The following AFF3 variants were observed in gnomAD, a reference collection of about 807,000 sequenced individuals.
The protein encoded by AFF3 is ALF transcription elongation factor 3.
AFF3 carries 32 observed loss-of-function variants against 129.7 expected under a neutral mutation model. That is an observed-to-expected ratio of 0.25 (90% CI 0.19 to 0.33). The LOEUF (loss-of-function observed/expected upper bound fraction) is 0.33. Ranked by LOEUF, AFF3 falls within the 10% of genes least tolerant of loss-of-function variation. AFF3 has a pLI of 1.00. For missense variants in AFF3, 1,373 were observed against 1,592.0 expected (o/e 0.86, Z 2.34); for synonymous variants, 644 against 635.4 (o/e 1.01, Z -0.20).
At chr2:99,651,505 G>A (rs1283525457) in intron 12 of AFF3, among the ~76,000 whole-genome samples, 1 of 151,756 alleles carries the variant, frequency 6.6e-6, no homozygotes, top group East Asian at 2.0e-4. Flanking sequence ...GTAGTGGCCT[G>A]ATTTCAGCTC....
rs114852319 is a variant in AFF3, at chr2:99,752,176, C to T, written c.1002+45G>A. On this transcript the variant is annotated intron_variant, in intron 9 of 24. Coordinates refer to ENST00000672756, the MANE Select transcript of AFF3 (RefSeq NM_001386135.1). ...AAAGCCCACTGCCCACTAGAAATGCCTGCATGAGTGAAACATATTCCTCCT... is the reference window on the plus strand; with the variant it reads ...AAAGCCCACTGCCCACTAGAAATGCTTGCATGAGTGAAACATATTCCTCCT... 2.4e-3 allele frequency: 3,732 copies of T among 1,523,670 alleles called. 71 individuals carry two copies. The African/African-American group carries it at 0.045, about 19-fold the overall frequency. 94.4% of individuals were successfully genotyped at this position (1,523,670 alleles called of 1,614,324 possible).
intron 4 of AFF3, among the ~76,000 whole-genome samples, chr2:100,084,906 A>G (rs1432615599): frequency 1.4e-4 from 21 of 146,964 alleles, no homozygotes; most frequent in Non-Finnish European, 3.2e-4. Context: ...TTATTTTCAA[A>G]AAGAATAGCT....
chr2:99,931,726 T>G (rs905065606), intron 7 of AFF3, among the ~76,000 whole-genome samples: 2 of 152,172 alleles, frequency 1.3e-5, no homozygotes, highest in Non-Finnish European at 2.9e-5. Context: ...CTGGCCAACA[T>G]GATAGAACCC....
intron 8 of AFF3, among the ~76,000 whole-genome samples, chr2:99,761,715 T>C (rs1682613039): frequency 1.3e-5 from 2 of 152,232 alleles, no homozygotes; most frequent in Admixed American, 1.3e-4. Flanking sequence ...AGCCATGTTT[T>C]CATTTCCCTA....
chr2:99,647,496 G>T (rs1273786107), intron 13 of AFF3, among the ~76,000 whole-genome samples: 1 of 152,160 alleles, frequency 6.6e-6, no homozygotes, highest in Non-Finnish European at 1.5e-5. Context: ...AGGTGTCAGG[G>T]GAGGGATAAC....
chr2:99,663,560 G>A (rs4851221), intron 12 of AFF3, among the ~76,000 whole-genome samples: 129,941 of 152,306 alleles, frequency 0.85, 55,563 homozygotes, highest in East Asian at 0.92. Context: ...TTAAAAGGCA[G>A]CTTTTCATTG....
intron 7 of AFF3, among the ~76,000 whole-genome samples, chr2:99,891,121 G>A (rs1693518347): frequency 6.6e-6 from 1 of 152,156 alleles, no homozygotes; most frequent in African/African-American, 2.4e-5. Flanking sequence ...TGTTTTCCAT[G>A]GGAGGGAACG....
intron 4 of AFF3, among the ~76,000 whole-genome samples, chr2:100,031,080 G>T (rs1241925725): frequency 2.6e-5 from 4 of 152,122 alleles, no homozygotes; most frequent in African/African-American, 9.7e-5. Context: ...ACAGTATGAG[G>T]AAATAAAATC....
chr2:99,579,131 C>T (rs1458080538), intron 17 of AFF3, among the ~76,000 whole-genome samples: 2 of 152,222 alleles, frequency 1.3e-5, no homozygotes, highest in African/African-American at 4.8e-5. Flanking sequence ...ATCGACTGGG[C>T]ACGGTGTCTC....
chr2:99,844,772 A>G (rs533591930), intron 7 of AFF3, among the ~76,000 whole-genome samples: 3 of 152,104 alleles, frequency 2.0e-5, no homozygotes, highest in Non-Finnish European at 4.4e-5. Flanking sequence ...AAAACATTTT[A>G]CACTGCACTG....
At chr2:99,558,082 C>A (rs67919188) in intron 22 of AFF3, among the ~76,000 whole-genome samples, 21,070 of 152,104 alleles carry the variant, frequency 0.14, 1,675 homozygotes, top group South Asian at 0.24. Context: ...CAATTTTATC[C>A]CTATAGCTAC....
chr2:99,677,965 C>T (rs1674155298), intron 11 of AFF3, among the ~76,000 whole-genome samples: 1 of 152,158 alleles, frequency 6.6e-6, no homozygotes, highest in Non-Finnish European at 1.5e-5. Flanking sequence ...ACTACAGACG[C>T]CGGCTACCAC....
chr2:100,012,884 C>T (rs1682676705), intron 4 of AFF3, among the ~76,000 whole-genome samples: 1 of 152,124 alleles, frequency 6.6e-6, no homozygotes, highest in African/African-American at 2.4e-5. Context: ...AAATTTCTAT[C>T]ATCTGCAAAG....
intron 18 of AFF3, among the ~76,000 whole-genome samples, chr2:99,573,756 C>T (rs1385650821): frequency 1.3e-5 from 2 of 152,266 alleles, no homozygotes; most frequent in Non-Finnish European, 1.5e-5. Context: ...TTCAGGTAGC[C>T]GGGCTCCTGT....
chr2:99,612,208 G>A (rs781602356), intron 13 of AFF3, among the ~76,000 whole-genome samples: 2 of 152,286 alleles, frequency 1.3e-5, no homozygotes, highest in Middle Eastern at 6.8e-3. Context: ...TCCCAGAACA[G>A]GCAACCACCC....
chr2:99,566,076 A>G (rs1379238841), intron 19 of AFF3, among the ~76,000 whole-genome samples: 1 of 151,976 alleles, frequency 6.6e-6, no homozygotes, highest in Non-Finnish European at 1.5e-5. Context: ...CTTTTACATT[A>G]TTTGTGGCAC....
chr2:99,917,688 T>C (rs1481843793), intron 7 of AFF3, among the ~76,000 whole-genome samples: 3 of 152,148 alleles, frequency 2.0e-5, no homozygotes, highest in Admixed American at 2.0e-4. Context: ...CCCCAAAGTA[T>C]GAGAATTTAT....
chr2:99,751,034 G>A (rs1681605282), intron 9 of AFF3, among the ~76,000 whole-genome samples: 1 of 152,208 alleles, frequency 6.6e-6, no homozygotes, highest in East Asian at 1.9e-4. Flanking sequence ...TGTGATAACA[G>A]CATGAACAAT....
chr2:100,121,095 G>T (rs1398677656), intron 2 of AFF3, among the ~76,000 whole-genome samples: 2 of 152,160 alleles, frequency 1.3e-5, no homozygotes, highest in Non-Finnish European at 2.9e-5. Flanking sequence ...GGGAGGGCAG[G>T]TCCCTGGTGA....
Sources: allele counts gnomAD v4.1 joint callset (sites outside exome capture counted in the v4.1 genomes callset), GRCh38; gene constraint gnomAD v4.1.1; transcripts MANE v1.5; gene names NCBI Gene and HGNC (gene_info 2026-07-23, HGNC 2026-07-21).